Variants in PIP5K1B observed in about 807,000 individuals in gnomAD.
PIP5K1B encodes phosphatidylinositol 4-phosphate 5-kinase type-1 beta.
Under a neutral mutation model 67.0 loss-of-function variants are expected in PIP5K1B, and 42 were observed. That is an observed-to-expected ratio of 0.63 (90% CI 0.49 to 0.81). The LOEUF is 0.81. PIP5K1B is among the 30% of genes least tolerant of loss of function. The pLI, the probability that PIP5K1B is intolerant of heterozygous loss-of-function variation, is 0.00. For synonymous variants in PIP5K1B, 214 were observed against 231.4 expected (o/e 0.92, Z 0.68); for missense variants, 459 against 646.3 (o/e 0.71, Z 3.14).
At chr9:68,738,811 T>C (rs1342522267) in intron 1 of PIP5K1B, among the ~76,000 whole-genome samples, 1 of 152,208 alleles carries the variant, frequency 6.6e-6, no homozygotes, top group African/African-American at 2.4e-5. Context: ...TTCAGGATCA[T>C]ATTAAACTAT....
rs568423721 is a variant in PIP5K1B at position 68,928,341 on chromosome 9, G to A, written c.1201+4955G>A. On this transcript the variant is annotated intron_variant, in intron 12 of 15. Coordinates refer to ENST00000265382, the MANE Select transcript of PIP5K1B (RefSeq NM_003558.4). ...TTTGTTAATTTCTGGGGGAAAAAGG[G>A]TAGCTGGTAGTTTGATAAAGATAGT... Among the ~76,000 whole-genome samples the A allele has an allele frequency of 4.1e-4, 63 of 152,264 alleles. 1 individual carries two copies. In the South Asian group the frequency reaches 0.013, roughly 31 times the overall value.
chr9:68,938,287 T>C (rs1232803546), intron 13 of PIP5K1B, among the ~76,000 whole-genome samples: 4 of 152,222 alleles, frequency 2.6e-5, no homozygotes, highest in African/African-American at 9.6e-5. Context: ...TTCTCCTGTA[T>C]TGGGTGCATG....
intron 1 of PIP5K1B, among the ~76,000 whole-genome samples, chr9:68,735,316 C>CTTTTTTTTCTT (rs1828674683): frequency 3.4e-5 from 1 of 29,770 alleles, no homozygotes; most frequent in Non-Finnish European, 6.1e-5. Context: ...CCCCTAGTGT[C>CTTTTTTTTCTT]TTTTTTTTTT....
intron 2 of PIP5K1B, among the ~76,000 whole-genome samples, chr9:68,758,720 C>T (rs2132380558): frequency 6.6e-6 from 1 of 152,126 alleles, no homozygotes; most frequent in South Asian, 2.1e-4. Flanking sequence ...TAAATAATAA[C>T]TGAAAAATCC....
intron 6 of PIP5K1B, among the ~76,000 whole-genome samples, chr9:68,886,464 G>A (rs1824483063): frequency 6.6e-6 from 1 of 152,172 alleles, no homozygotes; most frequent in Admixed American, 6.5e-5. Flanking sequence ...CATGTATGTA[G>A]GCACCTACCA....
chr9:68,960,809 C>G (rs1428842930), intron 14 of PIP5K1B, among the ~76,000 whole-genome samples: 4 of 152,198 alleles, frequency 2.6e-5, no homozygotes, highest in Non-Finnish European at 5.9e-5. Flanking sequence ...CTAATCCCTG[C>G]ATAATCTTAG....
chr9:68,959,225 C>T (rs1280915945), intron 14 of PIP5K1B, among the ~76,000 whole-genome samples: 1 of 152,170 alleles, frequency 6.6e-6, no homozygotes, highest in African/African-American at 2.4e-5. Flanking sequence ...TACCTTAATA[C>T]AATCATTAAT....
Position 68,754,558 on chromosome 9 carries a change from A to G in PIP5K1B, c.-86+11901A>G, listed in dbSNP as rs1160790117. Among the ~76,000 whole-genome samples, 3 of 152,094 alleles carry G rather than the reference A, an allele frequency of 2.0e-5. No individual in the cohort carries two copies. In the East Asian group the frequency reaches 5.8e-4, roughly 29 times the overall value. On this transcript the variant is annotated intron_variant, in intron 2 of 15. Coordinates refer to ENST00000265382, the MANE Select transcript of PIP5K1B (RefSeq NM_003558.4). ...ACTCTTTCTTTCTTTTATGAATGTGAATTTTTACCCCATTTTATTTTTTAC... is the reference window on the plus strand; with the variant it reads ...ACTCTTTCTTTCTTTTATGAATGTGGATTTTTACCCCATTTTATTTTTTAC...
intron 14 of PIP5K1B, among the ~76,000 whole-genome samples, chr9:68,977,795 C>T (rs1829702358): frequency 2.6e-5 from 4 of 151,576 alleles, no homozygotes; most frequent in Admixed American, 1.3e-4. Context: ...GCTGGGATTA[C>T]AGGTGTGTAC....
intron 1 of PIP5K1B, among the ~76,000 whole-genome samples, chr9:68,726,354 G>T (rs1828148554): frequency 3.3e-5 from 5 of 152,082 alleles, no homozygotes; most frequent in Admixed American, 3.3e-4. Flanking sequence ...GGAATTACCT[G>T]GCCAAAAATG....
At chr9:69,003,475 AAAAGG>A (rs1830918521) in intron 15 of PIP5K1B, among the ~76,000 whole-genome samples, 1 of 150,662 alleles carries the variant, frequency 6.6e-6, no homozygotes, top group Non-Finnish European at 1.5e-5. Context: ...TTAAAAAAAA[AAAAGG>A]GGGGGGGATA....
At chr9:69,008,398 A>G in intron 15 of PIP5K1B, 49 bp from the exon 16 acceptor site, 1 of 1,602,428 alleles carries the variant, frequency 6.2e-7, no homozygotes, top group Non-Finnish European at 8.6e-7. Context: ...GAGAGGTTAC[A>G]AATTGATGCC....
chr9:68,927,746 C>T (rs1309125899), intron 12 of PIP5K1B, among the ~76,000 whole-genome samples: 2 of 152,026 alleles, frequency 1.3e-5, no homozygotes, highest in African/African-American at 4.8e-5. Context: ...TTTTGAAGCA[C>T]AAAATTTTTT....
intron 14 of PIP5K1B, among the ~76,000 whole-genome samples, chr9:68,952,883 T>C (rs1828167605): frequency 6.6e-6 from 1 of 151,768 alleles, no homozygotes; most frequent in Admixed American, 6.6e-5. Context: ...ATTATTATTA[T>C]TATTATTGCA....
intron 2 of PIP5K1B, among the ~76,000 whole-genome samples, chr9:68,747,825 A>G (rs1220467883): frequency 6.6e-6 from 1 of 152,218 alleles, no homozygotes; most frequent in Non-Finnish European, 1.5e-5. Context: ...TTTGATCCAC[A>G]GTATGGTTTA....
chr9:68,939,150 A>T (rs991650099), intron 13 of PIP5K1B, among the ~76,000 whole-genome samples: 2 of 152,184 alleles, frequency 1.3e-5, no homozygotes, highest in African/African-American at 4.8e-5. Context: ...TCTACCTACG[A>T]CACTGGCTTT....
In PIP5K1B at chr9:68,910,891, T is replaced by A. The variant is rs192701025; in HGVS notation, c.772-6657T>A. Among the ~76,000 whole-genome samples, 5 of 152,358 alleles carry A rather than the reference T, an allele frequency of 3.3e-5. No individual in the cohort carries two copies. The East Asian group carries it at 9.6e-4, about 29-fold the overall frequency. ...CAGGGGTAAAGAGCTCCAGTTAGACTAGCCTGGCAAATGTCTCTAGCCAGG... is the reference window on the plus strand; with the variant it reads ...CAGGGGTAAAGAGCTCCAGTTAGACAAGCCTGGCAAATGTCTCTAGCCAGG... On this transcript the variant is annotated intron_variant, in intron 8 of 15. Coordinates refer to ENST00000265382, the MANE Select transcript of PIP5K1B (RefSeq NM_003558.4).
chr9:68,723,487 T>A (rs1054339897), intron 1 of PIP5K1B, among the ~76,000 whole-genome samples: 2 of 152,082 alleles, frequency 1.3e-5, no homozygotes, highest in Non-Finnish European at 2.9e-5. Context: ...TTTCTCTACA[T>A]CCTCTCCAGC....
intron 1 of PIP5K1B, among the ~76,000 whole-genome samples, chr9:68,728,537 A>G (rs1209089459): frequency 1.3e-5 from 2 of 152,108 alleles, no homozygotes; most frequent in Non-Finnish European, 2.9e-5. Context: ...ATAACAGATG[A>G]AGACCTAAAT....
Sources: allele counts gnomAD v4.1 joint callset (sites outside exome capture counted in the v4.1 genomes callset), GRCh38; gene constraint gnomAD v4.1.1; transcripts MANE v1.5; gene names NCBI Gene and HGNC (gene_info 2026-07-23, HGNC 2026-07-21).